The following DPYSL5 variants were observed in gnomAD, a reference collection of about 807,000 sequenced individuals.
The protein encoded by DPYSL5 is dihydropyrimidinase-related protein 5.
In DPYSL5, 9 loss-of-function variants were observed where a neutral mutation model predicts 58.4. The observed-to-expected ratio is 0.15, with a 90% CI of 0.09 to 0.27. DPYSL5 has a LOEUF of 0.27. Among genes scored for constraint, DPYSL5 ranks in the 10% least tolerant of loss-of-function variants. The pLI is 1.00. For synonymous variants in DPYSL5, 293 were observed against 301.9 expected (o/e 0.97, Z 0.31); for missense variants, 499 against 770.6 (o/e 0.65, Z 4.17).
At chr2:26,917,046 C>A (rs1664581169) in intron 2 of DPYSL5, among the ~76,000 whole-genome samples, 1 of 152,202 alleles carries the variant, frequency 6.6e-6, no homozygotes, top group East Asian at 1.9e-4. Flanking sequence ...TCATTTAATT[C>A]TCATAGTAAC....
At chr2:26,915,791 C>A (rs1332056900) in intron 2 of DPYSL5, among the ~76,000 whole-genome samples, 2 of 152,120 alleles carry the variant, frequency 1.3e-5, no homozygotes, top group East Asian at 3.8e-4. Context: ...GACAAAGGAC[C>A]TGTGCTTCCT....
At chr2:26,923,451 C>T (rs1664752504) in intron 2 of DPYSL5, among the ~76,000 whole-genome samples, 1 of 152,190 alleles carries the variant, frequency 6.6e-6, no homozygotes, top group Non-Finnish European at 1.5e-5. Context: ...ACAAGGAAGC[C>T]ACCCTATTGT....
rs546270376 is a variant in DPYSL5, at chr2:26,931,544, A to G, written c.670-96A>G. ...CGGGCTTTGCCCCGAGCCAACCCCTATGGGTGCAGTTGCTCCATGAAGGGG... is the reference window on the plus strand; with the variant it reads ...CGGGCTTTGCCCCGAGCCAACCCCTGTGGGTGCAGTTGCTCCATGAAGGGG... On this transcript the variant is annotated intron_variant, in intron 5 of 12. Coordinates refer to ENST00000288699, the MANE Select transcript of DPYSL5 (RefSeq NM_020134.4). The G allele has an allele frequency of 1.5e-5, 22 of 1,502,352 alleles. No homozygotes were observed. The East Asian group carries it at 2.1e-4, about 14-fold the overall frequency. 93.1% of individuals were successfully genotyped at this position (1,502,352 alleles called of 1,614,324 possible). A position where few individuals can be genotyped will look rare whatever the true frequency, so the allele number is the denominator to read the frequency against.
In DPYSL5 at chr2:26,924,168, C is replaced by A. The variant is rs1664769654; in HGVS notation, c.262-719C>A. On this transcript the variant is annotated intron_variant, in intron 2 of 12. Coordinates refer to ENST00000288699, the MANE Select transcript of DPYSL5 (RefSeq NM_020134.4). The surrounding 1 kb of genome is among the most constrained non-coding windows in gnomAD (Gnocchi z 4.7). ...TGCGAGTGAGGCTTTTTAACAATTT[C>A]TTTTTAAAGTGGTATCTTGCGGAGT... 6.6e-6 allele frequency among the ~76,000 whole-genome samples: 1 copy of A among 152,116 alleles called. No homozygotes were observed. The highest frequency in any genetic ancestry group is 1.5e-5 in the Non-Finnish European group (1 of 68,022).
At chr2:26,945,940 G>C (rs1665468058) in intron 12 of DPYSL5, among the ~76,000 whole-genome samples, 1 of 152,184 alleles carries the variant, frequency 6.6e-6, no homozygotes, top group South Asian at 2.1e-4. Flanking sequence ...CAGAAGAGAT[G>C]AGGTCCCTGT....
chr2:26,946,928 A>G lies in DPYSL5; in HGVS notation c.1628A>G (p.His543Arg). ...CCTGCAGGCTCTCAGATCGATGACC[A>G]TGTTCCAAAGCGAGCTTCAGCTCGG... The part of the protein sequence containing the change: ...FSLSGSQIDD[H>R]VPKRASARIL... The change falls in exon 13 of 13, where the codon CAT (histidine) becomes CGT (arginine). Residue 543 changes from histidine to arginine, a missense_variant. Transcript: ENST00000288699. The G allele has an allele frequency of 6.2e-7, 1 of 1,614,112 alleles. No homozygotes were observed. The highest frequency in any genetic ancestry group is 8.5e-7 in the Non-Finnish European group (1 of 1,179,960).
intron 1 of DPYSL5, among the ~76,000 whole-genome samples, chr2:26,884,110 G>T (rs981864015): frequency 6.6e-6 from 1 of 152,204 alleles, no homozygotes; most frequent in Non-Finnish European, 1.5e-5. Flanking sequence ...GAGACAGCTG[G>T]CAAGAGCACG....
Position 26,927,378 on chromosome 2 carries a change from G to A in DPYSL5, c.546G>A (p.Lys182=). 1 of 1,614,236 alleles carries A rather than the reference G, an allele frequency of 6.2e-7. No individual in the cohort carries two copies. The highest frequency in any genetic ancestry group is 8.5e-7 in the Non-Finnish European group (1 of 1,180,038). Residue 182 remains lysine, a synonymous_variant, in exon 4 of 13, where the codon AAG becomes AAA. Coordinates refer to ENST00000288699, the MANE Select transcript of DPYSL5 (RefSeq NM_020134.4). This position sits in a 1 kb window ranked among gnomAD's most constrained non-coding sequence, Gnocchi z 4.3. ...SELYQVLHAC[K]DIGAIARVHA... ...TGTACCAAGTGTTGCACGCTTGCAA[G>A]GACATTGGGGCAATCGCCCGCGTCC...
At chr2:26,903,195 G>A (rs1005912296) in intron 2 of DPYSL5, among the ~76,000 whole-genome samples, 1 of 151,944 alleles carries the variant, frequency 6.6e-6, no homozygotes, top group Non-Finnish European at 1.5e-5. Flanking sequence ...TCAGCCTCCT[G>A]AGTAGCTGAG....
At chr2:26,910,934 T>A (rs915442681) in intron 2 of DPYSL5, among the ~76,000 whole-genome samples, 1 of 152,142 alleles carries the variant, frequency 6.6e-6, no homozygotes, top group Non-Finnish European at 1.5e-5. Context: ...TTTTGTGCTA[T>A]AATCAAGAAA....
intron 1 of DPYSL5, among the ~76,000 whole-genome samples, chr2:26,882,429 C>CTGTGTGTGTGTGTG (rs145178218): frequency 6.8e-6 from 1 of 146,208 alleles, no homozygotes; most frequent in Non-Finnish European, 1.5e-5. Flanking sequence ...GTGTGTGTGT[C>CTGTGTGTGTGTGTG]TGTGTGTGTG....
chr2:26,908,414 G>T (rs894185827), intron 2 of DPYSL5, among the ~76,000 whole-genome samples: 5 of 152,222 alleles, frequency 3.3e-5, no homozygotes, highest in African/African-American at 4.8e-5. Context: ...GCTATTTAAA[G>T]GTGTCCTGCT....
At chr2:26,856,623 T>C (rs183398868) in intron 1 of DPYSL5, among the ~76,000 whole-genome samples, 69 of 152,190 alleles carry the variant, frequency 4.5e-4, no homozygotes, top group Admixed American at 1.3e-4. Context: ...CTGTTGGGTA[T>C]ATATATACCT....
intron 2 of DPYSL5, among the ~76,000 whole-genome samples, chr2:26,900,999 G>C (rs1664142767): frequency 6.6e-6 from 1 of 152,156 alleles, no homozygotes; most frequent in Admixed American, 6.5e-5. Flanking sequence ...AGCTGATGAA[G>C]AGCTCTGCAC....
At chr2:26,874,400 A>G (rs1663354411) in intron 1 of DPYSL5, among the ~76,000 whole-genome samples, 1 of 152,212 alleles carries the variant, frequency 6.6e-6, no homozygotes, top group South Asian at 2.1e-4. Context: ...GATTAGGTCT[A>G]TGATCCATTT....
chr2:26,918,233 G>A lies in DPYSL5; in HGVS notation c.262-6654G>A, dbSNP rs145006184. Among the ~76,000 whole-genome samples, 18 of 152,142 alleles carry A rather than the reference G, an allele frequency of 1.2e-4. No homozygotes were observed. In the East Asian group the frequency reaches 2.3e-3, roughly 20 times the overall value. ...GGGCGACATGCCCATGGAGCTGGGT[G>A]GGCCTGGACAGTGGGCTTGTGATTT... On this transcript the variant is annotated intron_variant, in intron 2 of 12. Coordinates refer to ENST00000288699, the MANE Select transcript of DPYSL5 (RefSeq NM_020134.4).
At chr2:26,911,010 G>A (rs528021747) in intron 2 of DPYSL5, among the ~76,000 whole-genome samples, 7 of 148,030 alleles carry the variant, frequency 4.7e-5, no homozygotes, top group African/African-American at 1.7e-4. Context: ...TGTAATTTTA[G>A]CTTTTACAGT....
intron 9 of DPYSL5, 25 bp from the exon 10 acceptor site, chr2:26,941,925 C>T: frequency 6.2e-7 from 1 of 1,613,800 alleles, no homozygotes; most frequent in South Asian, 1.1e-5. Flanking sequence ...GCCTGGTTGA[C>T]TTGACACTTT....
chr2:26,865,437 C>T (rs2148113012), intron 1 of DPYSL5, among the ~76,000 whole-genome samples: 1 of 151,666 alleles, frequency 6.6e-6, no homozygotes, highest in African/African-American at 2.4e-5. Context: ...TCTCCTGCCT[C>T]AGCCTCCCGA....
Sources: gnomAD v4.1 joint callset for allele counts (sites outside exome capture counted in the v4.1 genomes callset) on GRCh38, gnomAD v4.1.1 for gene constraint, Gnocchi (gnomAD v3.1) non-coding constraint, MANE v1.5 for transcripts, NCBI Gene and HGNC (gene_info 2026-07-23, HGNC 2026-07-21) for gene names.